Variants in COX7B2 observed in about 807,000 individuals in gnomAD.
COX7B2 encodes the protein cytochrome c oxidase subunit 7B2.
For missense variants in COX7B2, 109 were observed against 95.9 expected, an observed-to-expected ratio of 1.14 and a Z score of -0.57; for synonymous variants, 37 against 32.1, an observed-to-expected ratio of 1.15 and a Z score of -0.51.
chr4:46,807,380 G>C (rs1383513479), intron 2 of COX7B2, among the ~76,000 whole-genome samples: 2 of 151,836 alleles, frequency 1.3e-5, no homozygotes, highest in Non-Finnish European at 2.9e-5. Context: ...ACTACTGAGT[G>C]ATATCAGTTT....
At chr4:46,877,462 T>C (rs577164078) in intron 1 of COX7B2, among the ~76,000 whole-genome samples, 33 of 152,340 alleles carry the variant, frequency 2.2e-4, no homozygotes, top group African/African-American at 7.7e-4. Flanking sequence ...TCTACTCACA[T>C]CTAGTTGTCT....
intron 2 of COX7B2, among the ~76,000 whole-genome samples, chr4:46,753,956 G>A (rs1715581780): frequency 6.6e-6 from 1 of 152,130 alleles, no homozygotes; most frequent in South Asian, 2.1e-4. Context: ...ACAGACACAT[G>A]AAAAAATGCT....
chr4:46,757,493 C>T (rs1715873359), intron 2 of COX7B2, among the ~76,000 whole-genome samples: 1 of 152,126 alleles, frequency 6.6e-6, no homozygotes, highest in South Asian at 2.1e-4. Flanking sequence ...TCACTTGTCA[C>T]TTCTCTGCTC....
chr4:46,834,328 A>C (rs895225490), intron 2 of COX7B2, among the ~76,000 whole-genome samples: 2 of 152,112 alleles, frequency 1.3e-5, no homozygotes, highest in African/African-American at 4.8e-5. Flanking sequence ...AAAAAAGACA[A>C]GAAAAGAAAC....
chr4:46,827,517 T>C (rs1207258516), intron 2 of COX7B2, among the ~76,000 whole-genome samples: 1 of 152,098 alleles, frequency 6.6e-6, no homozygotes, highest in Non-Finnish European at 1.5e-5. Context: ...GAAAGTACCC[T>C]ACAAAAATAA....
chr4:46,887,873 A>C (rs1719177560), intron 1 of COX7B2, among the ~76,000 whole-genome samples: 1 of 152,012 alleles, frequency 6.6e-6, no homozygotes, highest in Admixed American at 6.6e-5. Flanking sequence ...AAATGAAAAA[A>C]AGGTTGGGAG....
chr4:46,762,341 ATATT>A (rs1204082287), intron 2 of COX7B2, among the ~76,000 whole-genome samples: 2 of 137,538 alleles, frequency 1.5e-5, no homozygotes, highest in East Asian at 2.0e-4. Flanking sequence ...ATATTAATAT[ATATT>A]TATATATACT....
At chr4:46,766,861 C>T (rs1028723399) in intron 2 of COX7B2, among the ~76,000 whole-genome samples, 4 of 151,940 alleles carry the variant, frequency 2.6e-5, no homozygotes, top group African/African-American at 9.7e-5. Context: ...GTAATAGATA[C>T]ACCAAACATA....
intron 2 of COX7B2, among the ~76,000 whole-genome samples, chr4:46,800,184 C>T (rs1296495555): frequency 6.6e-6 from 1 of 151,908 alleles, no homozygotes; most frequent in Non-Finnish European, 1.5e-5. Context: ...TTAAAGTGAC[C>T]ATACTGCTCA....
At chr4:46,841,916 A>G (rs562483725) in intron 2 of COX7B2, among the ~76,000 whole-genome samples, 2 of 152,148 alleles carry the variant, frequency 1.3e-5, no homozygotes, top group South Asian at 4.1e-4. Context: ...CACAAAGCCA[A>G]TGCAAGTAAT....
chr4:46,818,484 A>T (rs1413992237), intron 2 of COX7B2, among the ~76,000 whole-genome samples: 1 of 152,048 alleles, frequency 6.6e-6, no homozygotes, highest in Non-Finnish European at 1.5e-5. Context: ...AAAATACAAA[A>T]AAATTAGCTG....
intron 2 of COX7B2, among the ~76,000 whole-genome samples, chr4:46,778,779 C>T (rs1400094928): frequency 6.6e-6 from 1 of 152,084 alleles, no homozygotes; most frequent in Non-Finnish European, 1.5e-5. Flanking sequence ...TCTGTTACTT[C>T]AGTGAGTAGA....
intron 1 of COX7B2, among the ~76,000 whole-genome samples, chr4:46,884,311 C>A (rs13128102): frequency 0.24 from 36,151 of 151,998 alleles, 4,480 homozygotes; most frequent in East Asian, 0.29. Context: ...CCTGCCTCAA[C>A]CTTCCACAGT....
intron 1 of COX7B2, among the ~76,000 whole-genome samples, chr4:46,850,088 T>C (rs1716567187): frequency 6.6e-6 from 1 of 151,940 alleles, no homozygotes; most frequent in Admixed American, 6.6e-5. Context: ...AAAGCATGTG[T>C]CTTCCTTAAT....
At chr4:46,812,116 T>C (rs1719314421) in intron 2 of COX7B2, among the ~76,000 whole-genome samples, 1 of 152,242 alleles carries the variant, frequency 6.6e-6, no homozygotes, top group Non-Finnish European at 1.5e-5. Flanking sequence ...TATAATACAG[T>C]AGCACTGGAA....
chr4:46,814,738 G>C (rs948745949), intron 2 of COX7B2, among the ~76,000 whole-genome samples: 1 of 152,156 alleles, frequency 6.6e-6, no homozygotes, highest in Non-Finnish European at 1.5e-5. Flanking sequence ...TGAGTTGACT[G>C]CTCCTGTTGA....
intron 2 of COX7B2, among the ~76,000 whole-genome samples, chr4:46,784,377 A>G (rs1717641739): frequency 6.6e-6 from 1 of 152,352 alleles, no homozygotes; most frequent in Admixed American, 6.5e-5. Context: ...CTGTAATCCC[A>G]GCACTTTGAG....
At chr4:46,768,670 G>C (rs1716693475) in intron 2 of COX7B2, among the ~76,000 whole-genome samples, 1 of 152,058 alleles carries the variant, frequency 6.6e-6, no homozygotes, top group African/African-American at 2.4e-5. Flanking sequence ...TAACTTTAAT[G>C]ATCAAGGAAC....
At chr4:46,752,853 T>C (rs936073032) in intron 2 of COX7B2, among the ~76,000 whole-genome samples, 1 of 152,202 alleles carries the variant, frequency 6.6e-6, no homozygotes, top group African/African-American at 2.4e-5. Flanking sequence ...GCATCGATGT[T>C]CATCAGCGAT....
Sources: allele counts gnomAD v4.1 joint callset (sites outside exome capture counted in the v4.1 genomes callset), GRCh38; gene constraint gnomAD v4.1.1; transcripts MANE v1.5; gene names NCBI Gene and HGNC (gene_info 2026-07-23, HGNC 2026-07-21).